MYO9A: variants seen among roughly 807,000 people sequenced by gnomAD.
MYO9A encodes unconventional myosin-IXa.
In MYO9A, 103 loss-of-function variants were observed where a neutral mutation model predicts 293.3. That is an observed-to-expected ratio of 0.35 (90% CI 0.30 to 0.41). MYO9A has a LOEUF of 0.41. MYO9A is among the 10% of genes least tolerant of loss of function. The pLI is 1.00. For missense variants in MYO9A, 2,685 were observed against 3,033.0 expected, an observed-to-expected ratio of 0.89 and a Z score of 2.69; for synonymous variants, 1,001 against 1,035.7, an observed-to-expected ratio of 0.97 and a Z score of 0.64.
At chr15:72,086,577 G>A (rs527639623) in intron 1 of MYO9A, among the ~76,000 whole-genome samples, 3 of 152,032 alleles carry the variant, frequency 2.0e-5, no homozygotes, top group African/African-American at 4.8e-5. Context: ...ACGTGCACAC[G>A]TGCTGGCGAG....
intron 13 of MYO9A, among the ~76,000 whole-genome samples, chr15:71,965,988 T>C (rs571315175): frequency 6.6e-5 from 10 of 152,194 alleles, no homozygotes; most frequent in African/African-American, 2.4e-4. Context: ...GCACTTGTCC[T>C]ATCTCACCCT....
rs2075924980 is a variant in MYO9A, at chr15:71,968,198, T to A, written c.1845-73A>T. 2.4e-6 allele frequency: 3 copies of A among 1,257,844 alleles called. No individual in the cohort carries two copies. The East Asian group carries it at 7.5e-5, about 32-fold the overall frequency. The allele number at this position is 1,257,844 out of a possible 1,614,324, so 77.9% of individuals were successfully genotyped here. ...GATGCGGTAATTAGTACAGCCCTTT[T>A]CAAAGTACATTACAATTACATTGCC... On this transcript the variant is annotated intron_variant, in intron 12 of 41. Transcript: ENST00000356056.
chr15:72,083,993 T>C (rs1596535885), intron 1 of MYO9A, among the ~76,000 whole-genome samples: 1 of 152,232 alleles, frequency 6.6e-6, no homozygotes, highest in Non-Finnish European at 1.5e-5. Flanking sequence ...GAGAGTTCTG[T>C]AGATGTCTAT....
At chr15:71,912,319 A>C (rs1290203539) in intron 19 of MYO9A, among the ~76,000 whole-genome samples, 1 of 150,650 alleles carries the variant, frequency 6.6e-6, no homozygotes, top group Non-Finnish European at 1.5e-5. Context: ...GCAGTGGTGC[A>C]ATCTCAGCTC....
At chr15:71,926,027 A>G (rs987832185) in intron 18 of MYO9A, among the ~76,000 whole-genome samples, 2 of 152,172 alleles carry the variant, frequency 1.3e-5, no homozygotes, top group Admixed American at 6.5e-5. Flanking sequence ...AACTTTCTTA[A>G]GAAGACATTT....
intron 15 of MYO9A, among the ~76,000 whole-genome samples, chr15:71,946,489 T>C (rs1030714616): frequency 6.6e-6 from 1 of 152,234 alleles, no homozygotes; most frequent in African/African-American, 2.4e-5. Context: ...AATCTCTTTG[T>C]CAAACTTTTG....
At chr15:72,118,187 G>T (rs1596634042), upstream of MYO9A, 1 of 362,038 alleles carries the variant, frequency 2.8e-6, no homozygotes, top group Non-Finnish European at 4.9e-6. Flanking sequence ...AGCACGGGTC[G>T]GCCCCGCCCT....
chr15:71,966,638 C>T (rs1005612487), intron 13 of MYO9A, among the ~76,000 whole-genome samples: 2 of 151,978 alleles, frequency 1.3e-5, no homozygotes, highest in Non-Finnish European at 2.9e-5. Flanking sequence ...GATGGTTTAC[C>T]GCCAGAAATA....
intron 4 of MYO9A, among the ~76,000 whole-genome samples, chr15:72,025,163 A>G (rs2077624537): frequency 6.6e-6 from 1 of 152,226 alleles, no homozygotes; most frequent in Non-Finnish European, 1.5e-5. Flanking sequence ...AGCAATATCC[A>G]AAAGCAAGCT....
intron 10 of MYO9A, among the ~76,000 whole-genome samples, chr15:71,992,593 G>T (rs529851546): frequency 1.3e-5 from 2 of 152,110 alleles, no homozygotes; most frequent in South Asian, 2.1e-4. Context: ...ATGACTGTGA[G>T]TTTACCTGAA....
chr15:72,065,545 G>A (rs2078996627), intron 1 of MYO9A, among the ~76,000 whole-genome samples: 2 of 148,480 alleles, frequency 1.3e-5, no homozygotes, highest in Admixed American at 1.3e-4. Flanking sequence ...ATATTTACAT[G>A]AACCTAGAGT....
At chr15:72,005,306 T>C (rs917244963) in intron 8 of MYO9A, among the ~76,000 whole-genome samples, 4 of 152,160 alleles carry the variant, frequency 2.6e-5, no homozygotes, top group African/African-American at 9.7e-5. Context: ...ATTTCTCTCT[T>C]TTTTTTAAAC....
chr15:72,005,738 C>G (rs1008010336), intron 8 of MYO9A, among the ~76,000 whole-genome samples: 3 of 152,194 alleles, frequency 2.0e-5, no homozygotes, highest in African/African-American at 7.2e-5. Context: ...AAAGAGGTAT[C>G]TATTGCTCTC....
At chr15:71,984,263 C>T (rs2076353382) in intron 11 of MYO9A, among the ~76,000 whole-genome samples, 1 of 152,190 alleles carries the variant, frequency 6.6e-6, no homozygotes, top group Non-Finnish European at 1.5e-5. Flanking sequence ...AGTTATGATG[C>T]TTGGTAGTTT....
At chr15:71,862,944 T>C (rs1445824236) in intron 32 of MYO9A, among the ~76,000 whole-genome samples, 1 of 150,808 alleles carries the variant, frequency 6.6e-6, no homozygotes, top group Non-Finnish European at 1.5e-5. Flanking sequence ...TTTTTTTTTT[T>C]TGAGACTTAG....
chr15:71,932,318 G>T (rs114308318), intron 18 of MYO9A, among the ~76,000 whole-genome samples: 1 of 152,074 alleles, frequency 6.6e-6, no homozygotes, highest in South Asian at 2.1e-4. Flanking sequence ...CAGTGGTCTA[G>T]AGACTCAGAA....
intron 17 of MYO9A, among the ~76,000 whole-genome samples, chr15:71,934,689 T>G (rs1302315676): frequency 6.6e-6 from 1 of 151,416 alleles, no homozygotes; most frequent in Non-Finnish European, 1.5e-5. Context: ...CAGCCTCAAC[T>G]TCCTTGGCTC....
intron 1 of MYO9A, among the ~76,000 whole-genome samples, chr15:72,050,375 G>A (rs890401679): frequency 5.3e-5 from 8 of 152,092 alleles, no homozygotes; most frequent in South Asian, 4.1e-4. Flanking sequence ...TTGGGAGGCC[G>A]AGGCGGATAG....
rs1265673861 is a variant in MYO9A, at chr15:71,903,837, ATAAG to A, written c.2877+88_2877+91del. Reference sequence around the variant, plus strand: ...AAATGGAAAGGAAGAATTAAGGAAAATAAGTAAGCCCCAAAGAAATAATAAGCAA... The same window carrying A: ...AAATGGAAAGGAAGAATTAAGGAAAATAAGCCCCAAAGAAATAATAAGCAA... On this transcript the variant is annotated intron_variant, in intron 21 of 41. Transcript: ENST00000356056. 6.0e-5 allele frequency: 67 copies of A among 1,108,670 alleles called. No homozygotes were observed. The Middle Eastern group carries it at 8.0e-4, about 13-fold the overall frequency. 68.7% of individuals were successfully genotyped at this position (1,108,670 alleles called of 1,614,324 possible). A position where few individuals can be genotyped will look rare whatever the true frequency, so the allele number is the denominator to read the frequency against.
Sources: allele counts gnomAD v4.1 joint callset (sites outside exome capture counted in the v4.1 genomes callset), GRCh38; gene constraint gnomAD v4.1.1; transcripts MANE v1.5; gene names NCBI Gene and HGNC (gene_info 2026-07-23, HGNC 2026-07-21).